Variants in ANO2 observed in about 807,000 individuals in gnomAD.
The protein encoded by ANO2 is anoctamin 2, also known as anoctamin-2.
In ANO2, 101 loss-of-function variants were observed where a neutral mutation model predicts 124.2. The observed-to-expected ratio is 0.81, with a 90% confidence interval of 0.69 to 0.96. The LOEUF is 0.96. Ranked by LOEUF, ANO2 falls within the 40% of genes least tolerant of loss-of-function variation. The pLI is 0.00. For synonymous variants in ANO2, 486 were observed against 482.5 expected (o/e 1.01, Z -0.09); for missense variants, 1,293 against 1,274.5 (o/e 1.01, Z -0.22).
rs1286083069 is a variant in ANO2 at position 5,655,405 on chromosome 12, C to T, written c.1546-7604G>A. Among the ~76,000 whole-genome samples, 6 of 152,224 alleles carry T rather than the reference C, an allele frequency of 3.9e-5. No individual in the cohort carries two copies. In the East Asian group the frequency reaches 1.2e-3, roughly 29 times the overall value. On this transcript the variant is annotated intron_variant, in intron 14 of 24. Transcript: ENST00000682330. ...GGACTTGTTAAAACAGATTTCTGGG[C>T]TCCATTCCCAAAGATTCTAATTCAG...
At chr12:5,814,566 C>T (rs1376895079) in intron 7 of ANO2, among the ~76,000 whole-genome samples, 1 of 152,236 alleles carries the variant, frequency 6.6e-6, no homozygotes, top group Non-Finnish European at 1.5e-5. Context: ...TATCCCTACA[C>T]GACATCCTAT....
At chr12:5,776,267 T>A (rs1952229833) in intron 10 of ANO2, among the ~76,000 whole-genome samples, 1 of 152,144 alleles carries the variant, frequency 6.6e-6, no homozygotes, top group Non-Finnish European at 1.5e-5. Flanking sequence ...AAAGTGAAGG[T>A]CACAGGTGTT....
At chr12:5,606,665 ATGAC>A (rs1347755176) in intron 19 of ANO2, among the ~76,000 whole-genome samples, 1 of 152,242 alleles carries the variant, frequency 6.6e-6, no homozygotes, top group African/African-American at 2.4e-5. Flanking sequence ...TGATTAAAAA[ATGAC>A]TGAAGAGTGG....
chr12:5,688,108 G>T (rs985143397), intron 14 of ANO2, among the ~76,000 whole-genome samples: 1 of 152,154 alleles, frequency 6.6e-6, no homozygotes, highest in Non-Finnish European at 1.5e-5. Flanking sequence ...AGACCTTGTG[G>T]GGGGAACAGA....
chr12:5,703,618 C>T (rs1199509318), intron 14 of ANO2, among the ~76,000 whole-genome samples: 2 of 152,158 alleles, frequency 1.3e-5, no homozygotes, highest in Non-Finnish European at 2.9e-5. Context: ...TGGCTCACTG[C>T]AGCCTCTAAC....
chr12:5,663,867 A>C (rs757463886), intron 14 of ANO2, among the ~76,000 whole-genome samples: 1 of 152,202 alleles, frequency 6.6e-6, no homozygotes, highest in African/African-American at 2.4e-5. Flanking sequence ...AATTGAGAAG[A>C]ATCATTTTAC....
rs532951505 is a variant in ANO2 at position 5,782,642 on chromosome 12, G to A, written c.1055+16865C>T. On this transcript the variant is annotated intron_variant, in intron 10 of 24. Coordinates refer to ENST00000682330, the MANE Select transcript of ANO2 (RefSeq NM_001364791.2). ...TGCACCAGTTACTCCATCATGGCCA[G>A]ATGTAGACATAGGAAATCTACATTT... Among the ~76,000 whole-genome samples the A allele has an allele frequency of 2.0e-5, 3 of 152,314 alleles. No individual in the cohort carries two copies. The East Asian group carries it at 5.8e-4, about 29-fold the overall frequency.
At chr12:5,893,619 G>A (rs778375438) in intron 3 of ANO2, among the ~76,000 whole-genome samples, 7 of 151,398 alleles carry the variant, frequency 4.6e-5, no homozygotes, top group South Asian at 2.1e-4. Context: ...TAGGTATTTC[G>A]CCTAATGCTA....
intron 10 of ANO2, among the ~76,000 whole-genome samples, chr12:5,795,715 A>G (rs148392372): frequency 0.01 from 1,591 of 152,340 alleles, 24 homozygotes; most frequent in African/African-American, 0.034. Context: ...AAAACGTCCA[A>G]GCTAAGAAAA....
At chr12:5,724,973 G>C (rs1256131804) in intron 14 of ANO2, among the ~76,000 whole-genome samples, 1 of 152,010 alleles carries the variant, frequency 6.6e-6, no homozygotes, top group Non-Finnish European at 1.5e-5. Context: ...ACTTGTTCAT[G>C]TTCTTTGCAT....
intron 7 of ANO2, among the ~76,000 whole-genome samples, chr12:5,825,127 T>C (rs148921490): frequency 1.3e-5 from 2 of 152,294 alleles, no homozygotes; most frequent in African/African-American, 2.4e-5. Flanking sequence ...TGGTATTCCA[T>C]ACAGCATTGC....
chr12:5,811,546 C>T (rs527592310), intron 7 of ANO2, among the ~76,000 whole-genome samples: 1 of 152,222 alleles, frequency 6.6e-6, no homozygotes, highest in South Asian at 2.1e-4. Context: ...CCAAAATGTC[C>T]ACGAAAATAT....
intron 3 of ANO2, among the ~76,000 whole-genome samples, chr12:5,890,972 G>C (rs1246126007): frequency 7.9e-5 from 12 of 152,140 alleles, no homozygotes; most frequent in Admixed American, 7.9e-4. Flanking sequence ...TCACTTCATT[G>C]AGTTTGCCTT....
chr12:5,702,838 G>A (rs1949461140), intron 14 of ANO2, among the ~76,000 whole-genome samples: 1 of 152,106 alleles, frequency 6.6e-6, no homozygotes, highest in Admixed American at 6.5e-5. Flanking sequence ...ATCATCAATT[G>A]ACAAAAAATT....
chr12:5,573,093 C>T (rs886443620), intron 23 of ANO2, among the ~76,000 whole-genome samples: 3 of 152,092 alleles, frequency 2.0e-5, no homozygotes, highest in Admixed American at 6.6e-5. Context: ...GGCAATCATA[C>T]GGAACTTAAA....
At chr12:5,726,968 G>A (rs980801737) in intron 14 of ANO2, among the ~76,000 whole-genome samples, 16 of 152,230 alleles carry the variant, frequency 1.1e-4, no homozygotes, top group Admixed American at 2.0e-4. Flanking sequence ...CTCCTACCCC[G>A]GGGTCCTTAT....
intron 14 of ANO2, among the ~76,000 whole-genome samples, chr12:5,706,738 T>C (rs1949625607): frequency 6.6e-6 from 1 of 152,262 alleles, no homozygotes; most frequent in African/African-American, 2.4e-5. Context: ...CTCACTGCTA[T>C]AACCCCATGG....
chr12:5,830,404 C>T (rs1565705044), intron 6 of ANO2, 31 bp downstream of exon 6: 14 of 1,606,640 alleles, frequency 8.7e-6, no homozygotes, highest in Non-Finnish European at 1.2e-5. Context: ...TCCCCATCCT[C>T]TTTCCTAACA....
intron 14 of ANO2, among the ~76,000 whole-genome samples, chr12:5,727,499 G>C (rs1414596490): frequency 7.2e-6 from 1 of 139,420 alleles, no homozygotes; most frequent in African/African-American, 2.7e-5. Context: ...TATAGAGAGA[G>C]TTTTAAACAA....
Sources: allele counts gnomAD v4.1 joint callset (sites outside exome capture counted in the v4.1 genomes callset), GRCh38; gene constraint gnomAD v4.1.1; transcripts MANE v1.5; gene names NCBI Gene and HGNC (gene_info 2026-07-23, HGNC 2026-07-21).